CA1: variants seen among roughly 807,000 people sequenced by gnomAD.
CA1 encodes carbonic anhydrase 1, also known as carbonate dehydratase I.
CA1 carries 27 observed loss-of-function variants against 28.8 expected under a neutral mutation model. The observed-to-expected ratio is 0.94, with a 90% CI of 0.69 to 1.29. CA1 has a LOEUF of 1.29. CA1 is among the 50% of genes most tolerant of loss of function. CA1 has a pLI of 0.00. For synonymous variants in CA1, 121 were observed against 108.8 expected, an observed-to-expected ratio of 1.11 and a Z score of -0.70; for missense variants, 335 against 310.5, an observed-to-expected ratio of 1.08 and a Z score of -0.59.
At chr8:85,339,219 T>A (rs1200894761) in intron 2 of CA1, among the ~76,000 whole-genome samples, 1 of 152,192 alleles carries the variant, frequency 6.6e-6, no homozygotes, top group Non-Finnish European at 1.5e-5. Flanking sequence ...GTAGCAACCT[T>A]GCATCAAGCA....
At chr8:85,338,556 T>G (rs538160544) in intron 2 of CA1, 107 bp from the exon 3 acceptor site, 1 of 819,232 alleles carries the variant, frequency 1.2e-6, no homozygotes, top group East Asian at 2.4e-5. Context: ...TATTTCAGTG[T>G]ATTAAATGAT....
At chr8:85,377,347 G>A (rs1248815298) in intron 1 of CA1, among the ~76,000 whole-genome samples, 2 of 152,080 alleles carry the variant, frequency 1.3e-5, no homozygotes, top group East Asian at 1.9e-4. Flanking sequence ...AGATACTAAT[G>A]TGTCAGGCAT....
At chr8:85,329,492 TAAAGGCA>T (rs1200864764) in intron 7 of CA1, among the ~76,000 whole-genome samples, 190 bp downstream of exon 7, 1 of 151,710 alleles carries the variant, frequency 6.6e-6, no homozygotes, top group Non-Finnish European at 1.5e-5. Context: ...TTTTTCTGCA[TAAAGGCA>T]AAATAAAGTA....
intron 1 of CA1, among the ~76,000 whole-genome samples, chr8:85,358,569 CA>C (rs559295049): frequency 6.6e-6 from 1 of 152,094 alleles, no homozygotes; most frequent in Non-Finnish European, 1.5e-5. Context: ...GAGCCCGATG[CA>C]TTCTAGTAAA....
At chr8:85,328,783 T>G in intron 7 of CA1, 107 bp from the exon 8 acceptor site, 1 of 644,100 alleles carries the variant, frequency 1.6e-6, no homozygotes. Context: ...AGTTAGAAAT[T>G]GCAGTAATAT....
intron 5 of CA1, among the ~76,000 whole-genome samples, chr8:85,333,296 C>T (rs1375051199): frequency 6.6e-6 from 1 of 152,132 alleles, no homozygotes; most frequent in East Asian, 1.9e-4. Flanking sequence ...CCTGTGAACA[C>T]ATTTCTATCT....
At chr8:85,355,962 C>T (rs373480094) in intron 1 of CA1, among the ~76,000 whole-genome samples, 10 of 152,072 alleles carry the variant, frequency 6.6e-5, no homozygotes, top group African/African-American at 2.4e-4. Flanking sequence ...CCCATGACAA[C>T]GTGTGGACTG....
intron 1 of CA1, among the ~76,000 whole-genome samples, chr8:85,366,791 G>T (rs1810023795): frequency 6.6e-6 from 1 of 152,166 alleles, no homozygotes. Context: ...GAATTGAAGA[G>T]CAATGGCATA....
chr8:85,368,067 A>G (rs1454864301), intron 1 of CA1, among the ~76,000 whole-genome samples: 1 of 152,038 alleles, frequency 6.6e-6, no homozygotes, highest in African/African-American at 2.4e-5. Context: ...ATATTAGACA[A>G]TAAATAAAAA....
intron 1 of CA1, among the ~76,000 whole-genome samples, chr8:85,360,753 G>A (rs1483516863): frequency 6.6e-6 from 1 of 152,048 alleles, no homozygotes; most frequent in Admixed American, 6.5e-5. Flanking sequence ...TCTCATCTCC[G>A]GTAACTGTAA....
rs980787795 is a variant in CA1, at chr8:85,340,823, A to C, written c.37+776T>G. On this transcript the variant is annotated intron_variant, in intron 2 of 7. Coordinates refer to ENST00000523022, the MANE Select transcript of CA1 (RefSeq NM_001128831.4). ...TCCTGATCAGTCAGCAGTCATCCACACTGAGGCAAGACCCTCCACCATCAA... is the reference window on the plus strand; with the variant it reads ...TCCTGATCAGTCAGCAGTCATCCACCCTGAGGCAAGACCCTCCACCATCAA... 2.6e-5 allele frequency among the ~76,000 whole-genome samples: 4 copies of C among 152,176 alleles called. No homozygotes were observed. The East Asian group carries it at 7.7e-4, about 29-fold the overall frequency.
chr8:85,334,923 G>C (rs1808585342), intron 4 of CA1, among the ~76,000 whole-genome samples: 1 of 152,112 alleles, frequency 6.6e-6, no homozygotes, highest in Non-Finnish European at 1.5e-5. Context: ...CTGAGAGGAG[G>C]AGGTTGCAGT....
intron 1 of CA1, among the ~76,000 whole-genome samples, chr8:85,352,180 T>A (rs1018889766): frequency 2.6e-5 from 4 of 151,818 alleles, no homozygotes; most frequent in Non-Finnish European, 5.9e-5. Context: ...CCTCAAGGGG[T>A]GGATGGAGAA....
chr8:85,371,875 C>T (rs367899697), intron 1 of CA1, among the ~76,000 whole-genome samples: 31 of 152,190 alleles, frequency 2.0e-4, no homozygotes, highest in African/African-American at 7.0e-4. Context: ...GAATTGTGGC[C>T]TGTCTTCTAT....
chr8:85,341,704 A>C (rs1283065425), intron 1 of CA1, 45 bp from the exon 2 acceptor site: 5 of 1,015,030 alleles, frequency 4.9e-6, no homozygotes. Flanking sequence ...GCAACTGTGC[A>C]TGCAGGAGAT....
intron 3 of CA1, among the ~76,000 whole-genome samples, chr8:85,337,710 C>T (rs750678119): frequency 2.0e-5 from 3 of 152,120 alleles, no homozygotes; most frequent in Non-Finnish European, 4.4e-5. Flanking sequence ...CTCAGAAACT[C>T]ATAAACAAAT....
At chr8:85,368,041 T>A (rs1196214604) in intron 1 of CA1, among the ~76,000 whole-genome samples, 1 of 151,990 alleles carries the variant, frequency 6.6e-6, no homozygotes, top group Non-Finnish European at 1.5e-5. Context: ...CTGTACAATT[T>A]TCCAGCTACT....
At chr8:85,377,990 C>G (rs959804176) in intron 1 of CA1, 56 bp downstream of exon 1, 1 of 152,058 alleles carries the variant, frequency 6.6e-6, no homozygotes, top group South Asian at 2.1e-4. Context: ...TTTTGGCAGT[C>G]GGATAAAACA....
At chr8:85,354,021 G>A (rs1809508570) in intron 1 of CA1, among the ~76,000 whole-genome samples, 1 of 151,704 alleles carries the variant, frequency 6.6e-6, no homozygotes, top group African/African-American at 2.4e-5. Context: ...GGAGTGCAGT[G>A]ATGTGGATCT....
Sources: allele counts gnomAD v4.1 joint callset (sites outside exome capture counted in the v4.1 genomes callset), GRCh38; gene constraint gnomAD v4.1.1; transcripts MANE v1.5; gene names NCBI Gene and HGNC (gene_info 2026-07-23, HGNC 2026-07-21).